The following EIF3K variants were observed in gnomAD, a reference collection of about 807,000 sequenced individuals.
The protein encoded by EIF3K is eIF-3 p28.
Under a neutral mutation model 34.2 loss-of-function variants are expected in EIF3K, and 27 were observed. The observed-to-expected ratio is 0.79, with a 90% CI of 0.58 to 1.09. EIF3K has a LOEUF of 1.09. EIF3K is among the 50% of genes least tolerant of loss of function. The pLI is 0.00. For synonymous variants in EIF3K, 105 were observed against 105.7 expected, an observed-to-expected ratio of 0.99 and a Z score of 0.04; for missense variants, 232 against 275.4, an observed-to-expected ratio of 0.84 and a Z score of 1.11.
intron 6 of EIF3K, 79 bp downstream of exon 6, chr19:38,632,757 C>T (rs1399444367): frequency 1.5e-6 from 2 of 1,357,064 alleles, no homozygotes; most frequent in African/African-American, 1.4e-5. Flanking sequence ...GCTCCTCCAA[C>T]AGGCCTGTCT....
intron 4 of EIF3K, chr19:38,626,419 C>T (rs939061646): frequency 3.2e-6 from 1 of 310,156 alleles, no homozygotes; most frequent in African/African-American, 2.1e-5. Context: ...TTGTGGAGGC[C>T]AAGGTGGGAG....
rs1555814412 is a variant in EIF3K at position 38,619,334 on chromosome 19, G to A, written c.59+7G>A. ...TGCTCAAGGGTATCGACAGGTCTGA[G>A]CCCGGTTGGAGGAAGCGCTCTGGCC... On this transcript the variant is annotated splice_region_variant and intron_variant, in intron 1 of 7. Transcript: ENST00000248342. The A allele has an allele frequency of 6.2e-7, 1 of 1,613,762 alleles. No individual in the cohort carries two copies. The highest frequency in any genetic ancestry group is 8.5e-7 in the Non-Finnish European group (1 of 1,179,806).
intron 4 of EIF3K, among the ~76,000 whole-genome samples, chr19:38,629,629 C>T (rs937645392): frequency 6.6e-6 from 1 of 152,144 alleles, no homozygotes; most frequent in Admixed American, 6.6e-5. Context: ...ACTGGCTACA[C>T]CTTCCCGGCA....
chr19:38,623,967 C>G (rs1975895302), intron 2 of EIF3K, 110 bp from the exon 3 acceptor site: 2 of 1,530,466 alleles, frequency 1.3e-6, no homozygotes, highest in East Asian at 2.3e-5. Flanking sequence ...GGATTGGAAC[C>G]CAGGCATGTC....
chr19:38,620,731 T>C (rs1975821138), intron 2 of EIF3K, among the ~76,000 whole-genome samples: 2 of 151,262 alleles, frequency 1.3e-5, no homozygotes, highest in South Asian at 4.2e-4. Context: ...CCATCTTTAC[T>C]AAAAAATACC....
intron 3 of EIF3K, among the ~76,000 whole-genome samples, chr19:38,625,579 G>A (rs1378803355): frequency 1.3e-5 from 2 of 151,538 alleles, no homozygotes; most frequent in Admixed American, 6.6e-5. Flanking sequence ...GCGTGATCTT[G>A]GCTCACTACA....
intron 6 of EIF3K, 133 bp from the exon 7 acceptor site, chr19:38,634,860 C>T (rs1041680548): frequency 7.6e-7 from 1 of 1,318,694 alleles, no homozygotes; most frequent in Admixed American, 2.3e-5. Flanking sequence ...AGGCCAGCTG[C>T]TGCTGTCCAG....
intron 4 of EIF3K, among the ~76,000 whole-genome samples, chr19:38,628,834 G>A (rs967382101): frequency 6.6e-6 from 1 of 151,154 alleles, no homozygotes; most frequent in African/African-American, 2.4e-5. Context: ...AAAAAAAAAA[G>A]AGAAAAAATG....
intron 7 of EIF3K, 39 bp from the exon 8 acceptor site, chr19:38,636,850 G>T: frequency 6.2e-7 from 1 of 1,613,936 alleles, no homozygotes; most frequent in African/African-American, 1.3e-5. Context: ...TTTGTCTCCC[G>T]CCCTTCTCAC....
intron 7 of EIF3K, among the ~76,000 whole-genome samples, chr19:38,635,958 T>C (rs1320620911): frequency 6.6e-6 from 1 of 152,240 alleles, no homozygotes; most frequent in Non-Finnish European, 1.5e-5. Flanking sequence ...TTTAAAGATG[T>C]GTTTGGTACA....
rs1256371560 is a variant in EIF3K at position 38,634,979 on chromosome 19, C to G, written c.500-14C>G. 1 of 1,613,866 alleles carries G rather than the reference C, an allele frequency of 6.2e-7. No homozygotes were observed. Among genetic ancestry groups the G allele is most frequent in the South Asian group, 1.1e-5 (1 of 91,046 alleles). ...AGGCTGACTGAAGCCCCTTGCTGCC[C>G]CTGTCACCTGCAGACAGCCAGCTAA... On this transcript the variant is annotated splice_polypyrimidine_tract_variant and intron_variant, in intron 6 of 7. Coordinates refer to ENST00000248342, the MANE Select transcript of EIF3K (RefSeq NM_013234.4).
chr19:38,621,281 C>T (rs1362112609), intron 2 of EIF3K, among the ~76,000 whole-genome samples: 4 of 150,588 alleles, frequency 2.7e-5, no homozygotes, highest in Non-Finnish European at 4.4e-5. Context: ...GGCCCAGTGG[C>T]GCATGGCTGT....
At chr19:38,627,147 G>T (rs2144770310) in intron 4 of EIF3K, among the ~76,000 whole-genome samples, 1 of 152,092 alleles carries the variant, frequency 6.6e-6, no homozygotes, top group African/African-American at 2.4e-5. Context: ...CCATCACGCT[G>T]GCTAATTTTT....
intron 4 of EIF3K, among the ~76,000 whole-genome samples, chr19:38,630,193 G>A (rs1447577509): frequency 1.3e-5 from 2 of 150,106 alleles, no homozygotes; most frequent in Non-Finnish European, 3.0e-5. Context: ...TGGCTCTGTC[G>A]CCCAGGCTAG....
chr19:38,625,879 A>G, intron 3 of EIF3K, 149 bp from the exon 4 acceptor site: 1 of 739,866 alleles, frequency 1.4e-6, no homozygotes, highest in East Asian at 2.5e-5. Context: ...ATACACCTGC[A>G]GGAGAAATAA....
At chr19:38,629,573 G>T (rs981135925) in intron 4 of EIF3K, among the ~76,000 whole-genome samples, 1 of 152,140 alleles carries the variant, frequency 6.6e-6, no homozygotes, top group Non-Finnish European at 1.5e-5. Context: ...GGGATTACAG[G>T]TTGAGCCACC....
chr19:38,626,142 G>A (rs1347855408), intron 4 of EIF3K, 40 bp downstream of exon 4: 3 of 1,584,480 alleles, frequency 1.9e-6, no homozygotes, highest in Non-Finnish European at 2.6e-6. Context: ...AGATGGCAGG[G>A]CCATGTGGAG....
chr19:38,624,236 G>C lies in EIF3K; in HGVS notation c.279+39G>C, dbSNP rs1366534187. On this transcript the variant is annotated intron_variant, in intron 3 of 7. Coordinates refer to ENST00000248342, the MANE Select transcript of EIF3K (RefSeq NM_013234.4). The stretch of plus-strand genomic sequence containing the variant: ...ACTGGGGCCGGGGGGTGTGTGGGAA[G>C]GGGTCAGAGTCAAGGTGCATGAATT... 2.5e-6 allele frequency: 4 copies of C among 1,612,904 alleles called. No individual in the cohort carries two copies. The African/African-American group carries it at 5.3e-5, about 22-fold the overall frequency.
intron 3 of EIF3K, among the ~76,000 whole-genome samples, chr19:38,625,443 G>C (rs1424085166): frequency 6.6e-6 from 1 of 151,488 alleles, no homozygotes; most frequent in Non-Finnish European, 1.5e-5. Flanking sequence ...TAGGATTACA[G>C]ATGTGAGCCA....
Sources: gnomAD v4.1 joint callset for allele counts (sites outside exome capture counted in the v4.1 genomes callset) on GRCh38, gnomAD v4.1.1 for gene constraint, MANE v1.5 for transcripts, NCBI Gene and HGNC (gene_info 2026-07-23, HGNC 2026-07-21) for gene names.